RB1: variants seen among roughly 807,000 people sequenced by gnomAD.
The protein encoded by RB1 is RB transcriptional corepressor 1.
Under a neutral mutation model 135.4 loss-of-function variants are expected in RB1, and 18 were observed. The ratio of observed to expected loss-of-function variants is 0.13; its 90% CI spans 0.09 to 0.20. The LOEUF is 0.20. Ranked by LOEUF, RB1 falls within the 10% of genes least tolerant of loss-of-function variation. RB1 has a pLI of 1.00. For missense variants in RB1, 868 were observed against 1,110.0 expected (o/e 0.78, Z 3.10); for synonymous variants, 365 against 373.2 (o/e 0.98, Z 0.25).
intron 17 of RB1, among the ~76,000 whole-genome samples, chr13:48,396,262 A>C (rs964255447): frequency 6.6e-6 from 1 of 152,142 alleles, no homozygotes; most frequent in African/African-American, 2.4e-5. Context: ...CAAGGCCACA[A>C]TAATCAAAAC....
chr13:48,400,536 A>T (rs1002718087), intron 17 of RB1, among the ~76,000 whole-genome samples: 2 of 152,098 alleles, frequency 1.3e-5, no homozygotes, highest in Non-Finnish European at 2.9e-5. Context: ...GAGTGTTACT[A>T]TGCTATGGCA....
At chr13:48,434,493 T>TC (rs1314833490) in intron 17 of RB1, among the ~76,000 whole-genome samples, 1 of 152,010 alleles carries the variant, frequency 6.6e-6, no homozygotes, top group East Asian at 1.9e-4. Flanking sequence ...ATTAGGAAGC[T>TC]CCAGGCAAGC....
intron 2 of RB1, chr13:48,317,041 G>A (rs1197806230): frequency 5.9e-6 from 4 of 674,406 alleles, no homozygotes; most frequent in East Asian, 4.8e-5. Context: ...CTCCTGTCGG[G>A]CAAACTCCGC....
At chr13:48,342,448 G>T in intron 2 of RB1, 151 bp from the exon 3 acceptor site, 1 of 521,334 alleles carries the variant, frequency 1.9e-6, no homozygotes, top group South Asian at 2.8e-5. Flanking sequence ...TCAAATATAT[G>T]CCATCAGAAG....
intron 4 of RB1, among the ~76,000 whole-genome samples, chr13:48,346,099 C>CTTTTTTTTTTTTTTTTT (rs35882805): frequency 4.3e-5 from 5 of 117,138 alleles, no homozygotes; most frequent in South Asian, 2.9e-4. Context: ...CATTGGCCAT[C>CTTTTTTTTTTTTTTTTT]TTTTTTTTTT....
At position 48,423,498 on chromosome 13, in the gene RB1, C is replaced by A. The variant is rs73492989; in HGVS notation, c.1696-29495C>A. On this transcript the variant is annotated intron_variant, in intron 17 of 26. Transcript: ENST00000267163. ...ATTAAATATTCTGTAAAAGGCTTCC[C>A]TTTATGTTTCAATAGCATTCTTCTT... Among the ~76,000 whole-genome samples the A allele has an allele frequency of 3.1e-3, 468 of 152,218 alleles. 1 individual carries two copies. Among genetic ancestry groups the A allele is most frequent in the African/African-American group, 0.011 (440 of 41,534 alleles).
chr13:48,305,045 C>G (rs1223892617), intron 1 of RB1, among the ~76,000 whole-genome samples: 1 of 152,112 alleles, frequency 6.6e-6, no homozygotes, highest in East Asian at 1.9e-4. Context: ...CTTGATTTTT[C>G]TACTTTATGG....
At position 48,476,679 on chromosome 13, in the gene RB1, TAAAGA is replaced by T; in HGVS notation, c.2521-20_2521-16del. On this transcript the variant is annotated splice_polypyrimidine_tract_variant and intron_variant, in intron 24 of 26. Coordinates refer to ENST00000267163, the MANE Select transcript of RB1 (RefSeq NM_000321.3). ...AACACTGGCATTTAATGATTTAAAGTAAAGAATTCTGTAATTTGTAGACTTCTGAG... is the reference window on the plus strand; with the variant it reads ...AACACTGGCATTTAATGATTTAAAGTATTCTGTAATTTGTAGACTTCTGAG... 1 of 1,607,660 alleles carries T rather than the reference TAAAGA, an allele frequency of 6.2e-7. No individual in the cohort carries two copies. The highest frequency in any genetic ancestry group is 8.5e-7 in the Non-Finnish European group (1 of 1,174,742).
Position 48,480,549 on chromosome 13 carries a change from A to C in RB1, c.*478A>C. 1 of 227,838 alleles carries C rather than the reference A, an allele frequency of 4.4e-6. No homozygotes were observed. The highest frequency in any genetic ancestry group is 2.2e-5 in the African/African-American group (1 of 45,112). 14.1% of individuals were successfully genotyped at this position (227,838 alleles called of 1,614,324 possible). ...CCAAATGCAATTTGATTGACTGCCC[A>C]TTCACCAAAATTATCCTGAACTCTT... On this transcript the variant is annotated 3_prime_UTR_variant, in exon 27 of 27. Transcript: ENST00000267163.
chr13:48,414,801 C>T (rs1593488911), intron 17 of RB1, among the ~76,000 whole-genome samples: 2 of 152,116 alleles, frequency 1.3e-5, no homozygotes, highest in South Asian at 4.1e-4. Context: ...ATGAGTATTA[C>T]TTATAACCAA....
At chr13:48,341,458 G>A (rs1453067094) in intron 2 of RB1, 1 of 151,958 alleles carries the variant, frequency 6.6e-6, no homozygotes, top group Non-Finnish European at 1.5e-5. Context: ...GTTATGAAAA[G>A]TGCATATTTA....
At chr13:48,420,775 C>G (rs146923294) in intron 17 of RB1, among the ~76,000 whole-genome samples, 11 of 152,254 alleles carry the variant, frequency 7.2e-5, no homozygotes, top group East Asian at 5.8e-4. Context: ...CATGAGTGAA[C>G]TCCCATTCAC....
At chr13:48,367,118 C>CAAAAA (rs34822911) in intron 9 of RB1, among the ~76,000 whole-genome samples, 1 of 102,292 alleles carries the variant, frequency 9.8e-6, no homozygotes, top group African/African-American at 4.1e-5. Context: ...AACTCCATCT[C>CAAAAA]AAAAAAAAAA....
intron 6 of RB1, among the ~76,000 whole-genome samples, chr13:48,350,232 A>G (rs886562813): frequency 6.6e-6 from 1 of 152,158 alleles, no homozygotes; most frequent in African/African-American, 2.4e-5. Flanking sequence ...ATCCAAGAAT[A>G]TACATTCTTC....
intron 17 of RB1, among the ~76,000 whole-genome samples, chr13:48,443,853 TG>T: frequency 6.6e-6 from 1 of 152,346 alleles, no homozygotes; most frequent in Middle Eastern, 3.4e-3. Context: ...ACATTTTTGT[TG>T]ATGACATGCT....
At chr13:48,432,427 G>GT (rs199873207) in intron 17 of RB1, among the ~76,000 whole-genome samples, 3,469 of 136,508 alleles carry the variant, frequency 0.025, 96 homozygotes, top group East Asian at 0.12. Flanking sequence ...TTGTTTTTTT[G>GT]TTTTTTTTTT....
intron 17 of RB1, among the ~76,000 whole-genome samples, chr13:48,417,474 A>C (rs577488455): frequency 6.6e-6 from 1 of 152,280 alleles, no homozygotes; most frequent in African/African-American, 2.4e-5. Flanking sequence ...ATGAGGAAAA[A>C]CCAGCGCAAA....
chr13:48,317,804 C>G, intron 2 of RB1: 1 of 370,830 alleles, frequency 2.7e-6, no homozygotes, highest in Non-Finnish European at 5.1e-6. Flanking sequence ...TGTGGGACCC[C>G]CCTGGCCCAC....
rs2138087698 is a variant in RB1, at chr13:48,345,167, T to C, written c.468T>C (p.Asp156=). 6.2e-7 allele frequency: 1 copy of C among 1,612,798 alleles called. No homozygotes were observed. The highest frequency in any genetic ancestry group is 8.5e-7 in the Non-Finnish European group (1 of 1,179,546). Residue 156 remains aspartate, a synonymous_variant, in exon 4 of 27, where the codon GAT becomes GAC. Transcript: ENST00000267163. The part of the protein sequence containing the change: ...NAMSRLLKKY[D]VLFALFSKLE... Reference sequence around the variant, plus strand: ...TGTCAAGACTGTTGAAGAAGTATGATGTATTGTTTGCACTCTTCAGCAAAT... The same window carrying C: ...TGTCAAGACTGTTGAAGAAGTATGACGTATTGTTTGCACTCTTCAGCAAAT...
Sources: gnomAD v4.1 joint callset for allele counts (sites outside exome capture counted in the v4.1 genomes callset) on GRCh38, gnomAD v4.1.1 for gene constraint, MANE v1.5 for transcripts, NCBI Gene and HGNC (gene_info 2026-07-23, HGNC 2026-07-21) for gene names.